The following MKLN1 variants were observed in gnomAD, a reference collection of about 807,000 sequenced individuals.
MKLN1 encodes muskelin 1, also known as muskelin.
A neutral mutation model predicts 99.0 loss-of-function variants in MKLN1; 18 were observed. The ratio of observed to expected loss-of-function variants is 0.18; its 90% CI spans 0.13 to 0.27. The LOEUF (loss-of-function observed/expected upper bound fraction) is 0.27, where lower values mean the gene tolerates loss of function less well. Among genes scored for constraint, MKLN1 ranks in the 10% least tolerant of loss-of-function variants. The probability of loss-of-function intolerance (pLI) is 1.00; values close to 1 mark genes in which losing one functional copy is unlikely to be tolerated. For synonymous variants in MKLN1, 288 were observed against 293.2 expected (o/e 0.98, Z 0.18); for missense variants, 621 against 875.9 (o/e 0.71, Z 3.67).
At chr7:131,432,186 G>A (rs1340478367) in intron 9 of MKLN1, among the ~76,000 whole-genome samples, 1 of 151,846 alleles carries the variant, frequency 6.6e-6, no homozygotes. Context: ...TAGTGAGTAA[G>A]TAGGTGAGGT....
chr7:131,382,393 A>G (rs979475512), intron 2 of MKLN1, among the ~76,000 whole-genome samples: 10 of 151,966 alleles, frequency 6.6e-5, no homozygotes, highest in Non-Finnish European at 7.4e-5. Flanking sequence ...AAATTAATAT[A>G]CAAGTCTTTG....
intron 3 of MKLN1, among the ~76,000 whole-genome samples, chr7:131,229,238 G>A (rs980442488): frequency 2.0e-5 from 3 of 151,566 alleles, no homozygotes; most frequent in East Asian, 1.9e-4. Context: ...AGGTATACAC[G>A]TGCCATGGTG....
At position 131,368,801 on chromosome 7, in the gene MKLN1, A is replaced by G. The variant is rs909449528; in HGVS notation, c.99-6623A>G. On this transcript the variant is annotated intron_variant, in intron 1 of 17. Transcript: ENST00000352689. ...CAGAAAGTTTGCTGTCATGTCAACT[A>G]TTATTTTCAACAATAACTTTTTACT... 3.3e-5 allele frequency among the ~76,000 whole-genome samples: 5 copies of G among 152,164 alleles called. 1 individual carries two copies. Among genetic ancestry groups the G allele is most frequent in the Admixed American group, 6.5e-5 (1 of 15,280 alleles).
At chr7:131,455,762 T>C (rs966665882) in intron 12 of MKLN1, among the ~76,000 whole-genome samples, 1 of 152,176 alleles carries the variant, frequency 6.6e-6, no homozygotes, top group Non-Finnish European at 1.5e-5. Flanking sequence ...AACTGTTAAA[T>C]TGGCCAGGCA....
chr7:131,327,390 G>C (rs1176501758), upstream of MKLN1: 1 of 153,240 alleles, frequency 6.5e-6, no homozygotes, highest in African/African-American at 2.4e-5. Flanking sequence ...TCTGGAAGGC[G>C]GGGACAAGAC....
intron 12 of MKLN1, among the ~76,000 whole-genome samples, chr7:131,457,807 T>C (rs1796394806): frequency 6.6e-6 from 1 of 152,054 alleles, no homozygotes; most frequent in Admixed American, 6.5e-5. Context: ...TCCCAGCTAC[T>C]TGGGAGGCTG....
upstream of MKLN1, chr7:131,327,618 T>C (rs1157200406): frequency 9.7e-6 from 4 of 412,558 alleles, no homozygotes; most frequent in Non-Finnish European, 1.7e-5. Flanking sequence ...TCCTTACCTC[T>C]GCTTGTAAGA....
intron 3 of MKLN1, among the ~76,000 whole-genome samples, chr7:131,319,764 G>A (rs1479678179): frequency 4.6e-5 from 7 of 150,838 alleles, no homozygotes; most frequent in East Asian, 1.9e-4. Flanking sequence ...ATCAAAAATC[G>A]CAAGCATTCC....
At chr7:131,454,468 T>G (rs1175456401) in intron 12 of MKLN1, among the ~76,000 whole-genome samples, 1 of 152,240 alleles carries the variant, frequency 6.6e-6, no homozygotes, top group East Asian at 1.9e-4. Flanking sequence ...CTGGAGTTGT[T>G]GCTAGTGCTT....
At chr7:131,300,275 G>A (rs1798356422) in intron 3 of MKLN1, among the ~76,000 whole-genome samples, 1 of 152,040 alleles carries the variant, frequency 6.6e-6, no homozygotes, top group Non-Finnish European at 1.5e-5. Context: ...GAGAGCAGGT[G>A]AAGGAGATGG....
intron 3 of MKLN1, among the ~76,000 whole-genome samples, chr7:131,299,672 T>C (rs1798347503): frequency 6.6e-6 from 1 of 152,230 alleles, no homozygotes; most frequent in African/African-American, 2.4e-5. Flanking sequence ...TTAGAGTTAA[T>C]TCTAAACAGA....
At chr7:131,408,478 A>G (rs1794774826) in intron 6 of MKLN1, among the ~76,000 whole-genome samples, 1 of 152,238 alleles carries the variant, frequency 6.6e-6, no homozygotes, top group Non-Finnish European at 1.5e-5. Flanking sequence ...AGTTTACCAA[A>G]TATAAATACA....
chr7:131,428,525 T>C (rs1002572576), intron 8 of MKLN1, among the ~76,000 whole-genome samples: 9 of 152,222 alleles, frequency 5.9e-5, no homozygotes, highest in Admixed American at 5.9e-4. Flanking sequence ...AATATGACTT[T>C]TTTCAAAAAC....
rs60581249 is a variant in MKLN1 at position 131,252,329 on chromosome 7, C to CTTTTTTTTTTTTTTTTTT, written c.-179+49372_-179+49373insTTTTTTTTTTTTTTTTTT. Among the ~76,000 whole-genome samples, 12 of 118,520 alleles carry CTTTTTTTTTTTTTTTTTT rather than the reference C, an allele frequency of 1.0e-4. 1 individual carries two copies. Among genetic ancestry groups the CTTTTTTTTTTTTTTTTTT allele is most frequent in the East Asian group, 2.6e-4 (1 of 3,894 alleles). 77.8% of individuals were successfully genotyped at this position (118,520 alleles called of 152,430 possible). On this transcript the variant is annotated intron_variant, in intron 3 of 7. Coordinates refer to the MKLN1 transcript ENST00000416992. Reference sequence around the variant, plus strand: ...CATAGTGAAAGGACTTTTTTCTTTTCTTTTTTTTTTTTTTTTTGAGATGGA... The same window carrying CTTTTTTTTTTTTTTTTTT: ...CATAGTGAAAGGACTTTTTTCTTTTCTTTTTTTTTTTTTTTTTTTTTTTTTTTTTTTTTTTGAGATGGA...
At chr7:131,474,984 T>G (rs539319259) in intron 16 of MKLN1, among the ~76,000 whole-genome samples, 1 of 152,172 alleles carries the variant, frequency 6.6e-6, no homozygotes, top group East Asian at 1.9e-4. Flanking sequence ...CCACACATGT[T>G]TAAACCATCA....
In MKLN1 at chr7:131,487,471, C is replaced by A; in HGVS notation, c.2087-136C>A. 1 of 864,134 alleles carries A rather than the reference C, an allele frequency of 1.2e-6. No homozygotes were observed. Among genetic ancestry groups the A allele is most frequent in the Non-Finnish European group, 1.7e-6 (1 of 583,678 alleles). 53.5% of individuals were successfully genotyped at this position (864,134 alleles called of 1,614,324 possible). ...CACAGCCAGGTAGTAGAACTGGGGT[C>A]AGATCAGTAGTGTCTGCCTGGTTTT... On this transcript the variant is annotated intron_variant, in intron 17 of 17. Transcript: ENST00000352689. This position sits in a 1 kb window ranked among gnomAD's most constrained non-coding sequence, Gnocchi z 4.7.
chr7:131,199,520 G>A (rs917351902), intron 2 of MKLN1, among the ~76,000 whole-genome samples: 7 of 152,124 alleles, frequency 4.6e-5, no homozygotes, highest in African/African-American at 1.7e-4. Context: ...AATACTCACT[G>A]AAGAATATTA....
intron 2 of MKLN1, among the ~76,000 whole-genome samples, chr7:131,182,376 A>G (rs2116361881): frequency 6.6e-6 from 1 of 152,332 alleles, no homozygotes; most frequent in South Asian, 2.1e-4. Flanking sequence ...TCACTCTCTA[A>G]TTATTTTTAC....
At chr7:131,360,384 ATCT>A (rs1298504844) in intron 1 of MKLN1, among the ~76,000 whole-genome samples, 4 of 151,688 alleles carry the variant, frequency 2.6e-5, no homozygotes, top group Non-Finnish European at 5.9e-5. Flanking sequence ...CCCTTTTTCC[ATCT>A]TCTCTGATTT....
Sources: gnomAD v4.1 joint callset for allele counts (sites outside exome capture counted in the v4.1 genomes callset) on GRCh38, gnomAD v4.1.1 for gene constraint, Gnocchi (gnomAD v3.1) non-coding constraint, MANE v1.5 for transcripts, NCBI Gene and HGNC (gene_info 2026-07-23, HGNC 2026-07-21) for gene names.